CHCHD10: variants seen among roughly 807,000 people sequenced by gnomAD.
The protein encoded by CHCHD10 is coiled-coil-helix-coiled-coil-helix domain-containing protein 10, mitochondrial.
CHCHD10 carries 10 observed loss-of-function variants against 14.8 expected under a neutral mutation model. The observed-to-expected ratio is 0.67, with a 90% CI of 0.42 to 1.14. The LOEUF is 1.14. CHCHD10 is among the 50% of genes most tolerant of loss of function. The probability of loss-of-function intolerance (pLI) is 0.00; values close to 1 mark genes in which losing one functional copy is unlikely to be tolerated. For missense variants in CHCHD10, 203 were observed against 196.9 expected (o/e 1.03, Z -0.19); for synonymous variants, 90 against 85.2 (o/e 1.06, Z -0.31).
chr22:23,766,540 C>A (rs985251677), intron 2 of CHCHD10: 2 of 399,298 alleles, frequency 5.0e-6, no homozygotes, highest in Non-Finnish European at 9.0e-6. Context: ...GCAACCTCCG[C>A]CTCCCGGGTT....
Position 23,766,288 on chromosome 22 carries a change from T to C in CHCHD10, c.262-13A>G, listed in dbSNP as rs1926811023. 6.5e-7 allele frequency: 1 copy of C among 1,541,516 alleles called. No individual in the cohort carries two copies. The highest frequency in any genetic ancestry group is 8.7e-7 in the Non-Finnish European group (1 of 1,143,816). Reference sequence around the variant, plus strand: ...CGGGGGTGGGGGCCTGGGGGTACAGTGCAAGAGGCTGCAGGATCAGCTTGG... The same window carrying C: ...CGGGGGTGGGGGCCTGGGGGTACAGCGCAAGAGGCTGCAGGATCAGCTTGG... On this transcript the variant is annotated splice_polypyrimidine_tract_variant and intron_variant, in intron 2 of 3. Transcript: ENST00000484558.
At position 23,766,037 on chromosome 22, in the gene CHCHD10, AG is replaced by A; in HGVS notation, c.410-12del. On this transcript the variant is annotated splice_polypyrimidine_tract_variant and intron_variant, in intron 3 of 3. Coordinates refer to ENST00000484558, the MANE Select transcript of CHCHD10 (RefSeq NM_213720.3). Reference sequence around the variant, plus strand: ...GCAGGGAGCTCAGACCTGGGAAGGGAGGGGCAGCACAGGCTGGTGGTCAGCC... The same window carrying A: ...GCAGGGAGCTCAGACCTGGGAAGGGAGGGCAGCACAGGCTGGTGGTCAGCC... 6.2e-7 allele frequency: 1 copy of A among 1,613,578 alleles called. No individual in the cohort carries two copies. Among genetic ancestry groups the A allele is most frequent in the Non-Finnish European group, 8.5e-7 (1 of 1,179,850 alleles).
At chr22:23,766,929 T>C (rs1171629104) in intron 2 of CHCHD10, among the ~76,000 whole-genome samples, 1 of 152,186 alleles carries the variant, frequency 6.6e-6, no homozygotes, top group African/African-American at 2.4e-5. Context: ...CAAAGCCACA[T>C]TTGGCTTACG....
chr22:23,767,077 G>C (rs1376192875), intron 2 of CHCHD10, among the ~76,000 whole-genome samples: 1 of 152,204 alleles, frequency 6.6e-6, no homozygotes, highest in Non-Finnish European at 1.5e-5. Flanking sequence ...CCCTCTGCTA[G>C]GGTGAGGTGA....
rs927168789 is a variant in CHCHD10, at chr22:23,767,589, G to A, written c.46C>T (p.Pro16Ser). 6 of 1,245,120 alleles carry A rather than the reference G, an allele frequency of 4.8e-6. No homozygotes were observed. The highest frequency in any genetic ancestry group is 6.2e-6 in the Non-Finnish European group (6 of 961,704). The allele number at this position is 1,245,120 out of a possible 1,614,324, so 77.1% of individuals were successfully genotyped here. A position where few individuals can be genotyped will look rare whatever the true frequency, so the allele number is the denominator to read the frequency against. The change falls in exon 2 of 4, where the codon CCA becomes TCA. Residue 16 changes from proline to serine, a missense_variant. Pro to Ser is a moderately conservative substitution (Grantham distance 74). Transcript: ENST00000484558. ...RSAASRPASR[P>S]AAPSAHPPAH... ...GGCGGGTGGGCAGAGGGCGCGGCTG[G>A]GCGGCTGCGGGGGTGGGAGGAAGCA...
chr22:23,766,494 C>T, intron 2 of CHCHD10: 1 of 533,210 alleles, frequency 1.9e-6, no homozygotes, highest in Non-Finnish European at 3.3e-6. Context: ...ACTCTGTCAC[C>T]TAGAGTGGAG....
chr22:23,767,222 C>T lies in CHCHD10; in HGVS notation c.261+152G>A, dbSNP rs73396549. 0.12 allele frequency: 79,473 copies of T among 656,686 alleles called. 5,596 individuals carry two copies. The highest frequency in any genetic ancestry group is 0.15 in the Middle Eastern group (363 of 2,348). 40.7% of individuals were successfully genotyped at this position (656,686 alleles called of 1,614,324 possible). On this transcript the variant is annotated intron_variant, in intron 2 of 3. Transcript: ENST00000484558. Reference sequence around the variant, plus strand: ...AAGCCTGCCTCTAAGTGACAGTGAACTCAAGACCAGTGGACTAGGACCCTT... The same window carrying T: ...AAGCCTGCCTCTAAGTGACAGTGAATTCAAGACCAGTGGACTAGGACCCTT...
At chr22:23,767,745 C>T (rs971285560) in intron 1 of CHCHD10, 89 bp downstream of exon 1, 2 of 1,187,392 alleles carry the variant, frequency 1.7e-6, no homozygotes, top group African/African-American at 1.6e-5. Context: ...GATGGCGCAG[C>T]AGCAGCCAAG....
At position 23,765,941 on chromosome 22, in the gene CHCHD10, T is replaced by C. The variant is rs1000462749; in HGVS notation, c.*66A>G. On this transcript the variant is annotated 3_prime_UTR_variant, in exon 4 of 4. Transcript: ENST00000484558. ...GCTATCTGGGTACAATCTGGTGTTG[T>C]GGTCTGGCTGTCGGCGAGGGGTAGA... is the stretch of plus-strand genomic sequence containing the variant. The C allele has an allele frequency of 6.2e-6, 10 of 1,610,072 alleles. No individual in the cohort carries two copies. The highest frequency in any genetic ancestry group is 1.3e-5 in the African/African-American group (1 of 74,808).
At position 23,766,234 on chromosome 22, in the gene CHCHD10, G is replaced by T; in HGVS notation, c.303C>A (p.Pro101=). 6.3e-7 allele frequency: 1 copy of T among 1,580,374 alleles called. No individual in the cohort carries two copies. The highest frequency in any genetic ancestry group is 8.6e-7 in the Non-Finnish European group (1 of 1,163,820). ...PAAPQPLQMG[P]CAYEIRQFLD... is the part of the protein sequence containing the mutation. ...GGAACTGCCTGATCTCGTAGGCGCA[G>T]GGCCCCATCTGCAGGGGCTGGGGGG... The change falls in exon 3 of 4, where the codon CCC becomes CCA. Residue 101 remains proline, a synonymous_variant. Transcript: ENST00000484558.
Position 23,766,045 on chromosome 22 carries a change from C to G in CHCHD10, c.410-19G>C, listed in dbSNP as rs754492535. ...CTCAGACCTGGGAAGGGAGGGGCAG[C>G]ACAGGCTGGTGGTCAGCCTGCAGGT... is the stretch of plus-strand genomic sequence containing the variant. On this transcript the variant is annotated intron_variant, in intron 3 of 3. Coordinates refer to ENST00000484558, the MANE Select transcript of CHCHD10 (RefSeq NM_213720.3). The G allele has an allele frequency of 1.6e-5, 26 of 1,613,446 alleles. No individual in the cohort carries two copies. The Admixed American group carries it at 2.8e-4, about 18-fold the overall frequency.
Position 23,767,871 on chromosome 22 carries a change from G to A in CHCHD10, c.4C>T (p.Pro2Ser). 6.6e-7 allele frequency: 1 copy of A among 1,512,928 alleles called. No individual in the cohort carries two copies. The allele number at this position is 1,512,928 out of a possible 1,614,324, so 93.7% of individuals were successfully genotyped here. A position where few individuals can be genotyped will look rare whatever the true frequency, so the allele number is the denominator to read the frequency against. Reference protein sequence around the residue: MPRGSRSAASRP... With the variant: MSRGSRSAASRP... ...GAGGCCGCGCTGCGGCTTCCCCGAGGCATGGTGGCGGCGGTGGGACCCGGG... is the reference window on the plus strand; with the variant it reads ...GAGGCCGCGCTGCGGCTTCCCCGAGACATGGTGGCGGCGGTGGGACCCGGG... Residue 2 changes from proline to serine, a missense_variant, in exon 1 of 4, where the codon CCT becomes TCT. Pro to Ser is a moderately conservative substitution (Grantham distance 74, BLOSUM62 -1). Transcript: ENST00000484558.
intron 2 of CHCHD10, among the ~76,000 whole-genome samples, chr22:23,766,747 T>C: frequency 6.6e-6 from 1 of 152,204 alleles, no homozygotes; most frequent in East Asian, 1.9e-4. Flanking sequence ...CCACTGCGCC[T>C]GGCCTCTGCT....
In CHCHD10 at chr22:23,767,562, C is replaced by T. The variant is rs1274813503; in HGVS notation, c.73G>A (p.Ala25Thr). ...GCGGCTGCCGAGGGCGGTGGGTGCG[C>T]GGGCGGGTGGGCAGAGGGCGCGGCT... ...RPAAPSAHPP[A>T]HPPPSAAAPA... The change falls in exon 2 of 4, where the codon GCG becomes ACG. Residue 25 changes from alanine to threonine, a missense_variant. Transcript: ENST00000484558. 3 of 651,388 alleles carry T rather than the reference C, an allele frequency of 4.6e-6. No individual in the cohort carries two copies. The highest frequency in any genetic ancestry group is 6.4e-6 in the Non-Finnish European group (3 of 470,110). 40.4% of individuals were successfully genotyped at this position (651,388 alleles called of 1,614,324 possible).
Position 23,767,855 on chromosome 22 carries a change from C to T in CHCHD10, c.20G>A (p.Ser7Asn), listed in dbSNP as rs762713744. Residue 7 changes from serine to asparagine, a missense_variant, in exon 1 of 4, where the codon AGC becomes AAC. Coordinates refer to ENST00000484558, the MANE Select transcript of CHCHD10 (RefSeq NM_213720.3). ...ACACCTGGCTGGCCGGGAGGCCGCG[C>T]TGCGGCTTCCCCGAGGCATGGTGGC... The part of the protein sequence containing the change: MPRGSR[S>N]AASRPASRPA... 6.6e-7 allele frequency: 1 copy of T among 1,519,862 alleles called. No individual in the cohort carries two copies. Among genetic ancestry groups the T allele is most frequent in the Non-Finnish European group, 8.8e-7 (1 of 1,133,788 alleles). 94.1% of individuals were successfully genotyped at this position (1,519,862 alleles called of 1,614,324 possible). A position where few individuals can be genotyped will look rare whatever the true frequency, so the allele number is the denominator to read the frequency against.
At chr22:23,766,925 C>T (rs2145925846) in intron 2 of CHCHD10, among the ~76,000 whole-genome samples, 1 of 152,334 alleles carries the variant, frequency 6.6e-6, no homozygotes, top group Middle Eastern at 3.4e-3. Context: ...GCCACAAAGC[C>T]ACATTTGGCT....
chr22:23,766,047 C>A (rs555075914), intron 3 of CHCHD10, 21 bp from the exon 4 acceptor site: 1 of 1,613,612 alleles, frequency 6.2e-7, no homozygotes, highest in African/African-American at 1.3e-5. Flanking sequence ...AGGGGCAGCA[C>A]AGGCTGGTGG....
chr22:23,767,476 T>C lies in CHCHD10; in HGVS notation c.159A>G (p.Ala53=), dbSNP rs748608906. The change falls in exon 2 of 4, where the codon GCA becomes GCG. Residue 53 remains alanine, a synonymous_variant. Transcript: ENST00000484558. ...CCACAGCCGAGCCCACGGCTACCCC[T>C]GCGGCCGTGGTCGCCATCTGAGCCA... ...GLMAQMATTA[A]GVAVGSAVGH... is the part of the protein sequence containing the mutation. The C allele has an allele frequency of 6.3e-7, 1 of 1,578,064 alleles. No individual in the cohort carries two copies. The highest frequency in any genetic ancestry group is 1.7e-5 in the Admixed American group (1 of 57,234).
At chr22:23,766,348 C>CAGGTGG in intron 2 of CHCHD10, 73 bp from the exon 3 acceptor site, 1 of 1,355,648 alleles carries the variant, frequency 7.4e-7, no homozygotes, top group Non-Finnish European at 1.0e-6. Flanking sequence ...AAACCTGGGG[C>CAGGTGG]CACCTGCCCC....
Sources: allele counts gnomAD v4.1 joint callset (sites outside exome capture counted in the v4.1 genomes callset), GRCh38; gene constraint gnomAD v4.1.1; transcripts MANE v1.5; gene names NCBI Gene and HGNC (gene_info 2026-07-23, HGNC 2026-07-21).